The following SLC11A2 variants were observed in gnomAD, a reference collection of about 807,000 sequenced individuals.
The protein encoded by SLC11A2 is solute carrier family 11 member 2.
In SLC11A2, 38 loss-of-function variants were observed where a neutral mutation model predicts 68.0. The ratio of observed to expected loss-of-function variants is 0.56; its 90% CI spans 0.43 to 0.73. The LOEUF is 0.73. Among genes scored for constraint, SLC11A2 ranks in the 30% least tolerant of loss-of-function variants. The pLI is 0.00. For missense variants in SLC11A2, 517 were observed against 690.5 expected, an observed-to-expected ratio of 0.75 and a Z score of 2.82; for synonymous variants, 242 against 250.6, an observed-to-expected ratio of 0.97 and a Z score of 0.32.
intron 3 of SLC11A2, chr12:51,008,177 C>T: frequency 3.3e-6 from 1 of 303,150 alleles, no homozygotes; most frequent in East Asian, 7.6e-5. Flanking sequence ...TGCACTGGAG[C>T]CTAGATGACA....
chr12:51,025,781 T>A, intron 1 of SLC11A2: 1 of 986,000 alleles, frequency 1.0e-6, no homozygotes, highest in Non-Finnish European at 1.2e-6. Flanking sequence ...CCACAATTAC[T>A]GAGCCGCGTA....
chr12:51,013,343 T>G (rs899802632), intron 1 of SLC11A2, among the ~76,000 whole-genome samples: 1 of 147,586 alleles, frequency 6.8e-6, no homozygotes, highest in Admixed American at 7.0e-5. Flanking sequence ...TAGGCTGGAG[T>G]GCAATGGCAT....
rs761758529 is a variant in SLC11A2, at chr12:51,005,392, T to C, written c.228A>G (p.Pro76=). ...GGTAGGCAATGCTCATAAGAAAACC[T>C]GGTCCGGTGAAAGCCCAGAGTTTAC... The part of the protein sequence containing the change: ...SFRKLWAFTG[P]GFLMSIAYLD... The change falls in exon 4 of 16, where the codon CCA becomes CCG. Residue 76 remains proline (P), a synonymous_variant. Transcript: ENST00000262052. 4 of 1,614,072 alleles carry C rather than the reference T, an allele frequency of 2.5e-6. No homozygotes were observed. Among genetic ancestry groups the C allele is most frequent in the Non-Finnish European group, 3.4e-6 (4 of 1,179,962 alleles).
At chr12:51,017,040 A>G (rs550291855) in intron 1 of SLC11A2, among the ~76,000 whole-genome samples, 2 of 152,126 alleles carry the variant, frequency 1.3e-5, no homozygotes, top group East Asian at 3.9e-4. Context: ...AGACTGTTTT[A>G]CAAGATAAAA....
downstream of SLC11A2, among the ~76,000 whole-genome samples, chr12:50,982,797 G>A (rs560070991): frequency 1.9e-4 from 29 of 151,038 alleles, no homozygotes; most frequent in East Asian, 5.9e-4. Flanking sequence ...AAAAATTAGC[G>A]GGGCATGGTG....
At chr12:51,015,713 C>CA (rs1943593530) in intron 1 of SLC11A2, among the ~76,000 whole-genome samples, 1 of 152,128 alleles carries the variant, frequency 6.6e-6, no homozygotes, top group Non-Finnish European at 1.5e-5. Flanking sequence ...ATCAACCCAG[C>CA]AATACTTTGA....
At chr12:50,965,461 CTA>C in the SLC11A2 span, among the ~76,000 whole-genome samples, 2 of 151,984 alleles carry the variant, frequency 1.3e-5, no homozygotes, top group Non-Finnish European at 2.9e-5. Context: ...GTATTTCCTA[CTA>C]TAATAGCCCT....
In SLC11A2 at chr12:51,000,614, G is replaced by A; in HGVS notation, c.430-195C>T. 8.2e-6 allele frequency: 5 copies of A among 611,642 alleles called. No individual in the cohort carries two copies. The South Asian group carries it at 9.8e-5, about 12-fold the overall frequency. 37.9% of individuals were successfully genotyped at this position (611,642 alleles called of 1,614,324 possible). On this transcript the variant is annotated intron_variant, in intron 5 of 15. Coordinates refer to ENST00000262052, the MANE Select transcript of SLC11A2 (RefSeq NM_000617.3). ...GGCTCTCACCTGGAGAAGGAAAAGT[G>A]TGCTACCACGTGGCAGAACCTGTGA... is the stretch of plus-strand genomic sequence containing the variant.
intron 1 of SLC11A2, among the ~76,000 whole-genome samples, chr12:51,016,821 T>C (rs1448197248): frequency 1.5e-5 from 2 of 132,984 alleles, no homozygotes; most frequent in Admixed American, 8.6e-5. Context: ...CACTCCAGCC[T>C]GGGTGACAAG....
At chr12:51,027,914 A>G, upstream of SLC11A2, among the ~76,000 whole-genome samples, 1 of 9,382 alleles carries the variant, frequency 1.1e-4, no homozygotes, top group East Asian at 4.2e-3. Flanking sequence ...GACCAAAAAA[A>G]AGTGGGGGGG....
chr12:51,016,613 C>T (rs1037783721), intron 1 of SLC11A2, among the ~76,000 whole-genome samples: 3 of 150,090 alleles, frequency 2.0e-5, no homozygotes, highest in African/African-American at 4.9e-5. Flanking sequence ...ACCTGAGAGG[C>T]AGAGGTTGCA....
At position 50,992,834 on chromosome 12, in the gene SLC11A2, G is replaced by T. The variant is rs147725725; in HGVS notation, c.1173C>A (p.Thr391=). Residue 391 remains threonine, a synonymous_variant, in exon 12 of 16, where the codon ACC becomes ACA. Coordinates refer to ENST00000262052, the MANE Select transcript of SLC11A2 (RefSeq NM_000617.3). ...AAGQSSTMTG[T]YSGQFVMEGF... ...CCTCCATGACAAACTGGCCAGAATA[G>T]GTTCCTGTCATGGTGGAGCTCTGTC... The T allele has an allele frequency of 1.2e-4, 191 of 1,613,646 alleles. No individual in the cohort carries two copies. The highest frequency in any genetic ancestry group is 1.4e-4 in the Non-Finnish European group (169 of 1,179,954).
chr12:50,990,657 G>C, intron 15 of SLC11A2, 138 bp downstream of exon 15: 1 of 824,750 alleles, frequency 1.2e-6, no homozygotes. Context: ...CAATCCTCCC[G>C]CCTCAGCCTC....
intron 1 of SLC11A2, among the ~76,000 whole-genome samples, chr12:51,020,253 TTG>T (rs1387265111): frequency 6.6e-6 from 1 of 150,922 alleles, no homozygotes; most frequent in Non-Finnish European, 1.5e-5. Flanking sequence ...AGGTGGGGTC[TTG>T]CTATGTTACT....
chr12:50,984,836 G>A (rs1940394251), downstream of SLC11A2, among the ~76,000 whole-genome samples: 1 of 152,132 alleles, frequency 6.6e-6, no homozygotes, highest in Non-Finnish European at 1.5e-5. Flanking sequence ...TGAAACAAAT[G>A]CTTCAGTGTG....
chr12:51,010,604 G>A (rs767071031), intron 2 of SLC11A2, 91 bp downstream of exon 2: 21 of 758,514 alleles, frequency 2.8e-5, no homozygotes, highest in African/African-American at 2.8e-4. Context: ...GATGACAGAT[G>A]ATGACAAGAG....
Position 50,991,642 on chromosome 12 carries a change from A to G in SLC11A2, c.1378T>C (p.Phe460Leu), listed in dbSNP as rs1252424347. The stretch of plus-strand genomic sequence containing the variant: ...CTCATTACTGGCCGCAAGCTCGTAA[A>G]TGTGAGGATGGGTATGAGAGCAAAG... ...LPFALIPILT[F>L]TSLRPVMSDF... is the part of the protein sequence containing the mutation. Residue 460 changes from phenylalanine to leucine, a missense_variant, in exon 14 of 16, where the codon TTT (phenylalanine) becomes CTT (leucine). Physicochemically the swap from Phe to Leu is conservative, Grantham distance 22. Transcript: ENST00000262052. 5.6e-6 allele frequency: 9 copies of G among 1,613,878 alleles called. No homozygotes were observed. Among genetic ancestry groups the G allele is most frequent in the Non-Finnish European group, 5.9e-6 (7 of 1,179,946 alleles).
chr12:51,024,392 AAGAT>A, intron 1 of SLC11A2: 1 of 152,224 alleles, frequency 6.6e-6, no homozygotes, highest in East Asian at 1.9e-4. Flanking sequence ...TCAAACAAGA[AAGAT>A]CTGGCAGGGC....
chr12:51,014,958 C>G (rs1487280543), intron 1 of SLC11A2, among the ~76,000 whole-genome samples: 2 of 151,556 alleles, frequency 1.3e-5, no homozygotes, highest in African/African-American at 4.9e-5. Flanking sequence ...GTCAGGAGTT[C>G]GAGACCAGCC....
Sources: gnomAD v4.1 joint callset for allele counts (sites outside exome capture counted in the v4.1 genomes callset) on GRCh38, gnomAD v4.1.1 for gene constraint, MANE v1.5 for transcripts, NCBI Gene and HGNC (gene_info 2026-07-23, HGNC 2026-07-21) for gene names.